The following PLXNA4 variants were observed in gnomAD, a reference collection of about 807,000 sequenced individuals.
PLXNA4 encodes plexin-A4.
In PLXNA4, 44 loss-of-function variants were observed where a neutral mutation model predicts 191.8. The ratio of observed to expected loss-of-function variants is 0.23; its 90% CI spans 0.18 to 0.29. PLXNA4 has a LOEUF of 0.29. PLXNA4 is among the 10% of genes least tolerant of loss of function. PLXNA4 has a pLI of 1.00. For missense variants in PLXNA4, 1,800 were observed against 2,488.8 expected (o/e 0.72, Z 5.89); for synonymous variants, 1,082 against 1,009.5 (o/e 1.07, Z -1.36).
chr7:132,226,338 G>A (rs1798322120), intron 7 of PLXNA4, 78 bp from the exon 8 acceptor site: 3 of 1,258,030 alleles, frequency 2.4e-6, no homozygotes, highest in Non-Finnish European at 3.4e-6. Context: ...GACACCTGCT[G>A]GAAAAGGGAG....
chr7:132,596,578 T>G (rs1802713830), intron 2 of PLXNA4, among the ~76,000 whole-genome samples: 1 of 152,238 alleles, frequency 6.6e-6, no homozygotes, highest in Admixed American at 6.5e-5. Context: ...ATTAATGGCT[T>G]TTATGCTTTA....
At chr7:132,280,859 T>C (rs374376011) in intron 4 of PLXNA4, among the ~76,000 whole-genome samples, 2 of 152,194 alleles carry the variant, frequency 1.3e-5, no homozygotes, top group Admixed American at 6.5e-5. Context: ...GGTCTCTAAC[T>C]GATTTTGACT....
chr7:132,459,239 C>T (rs992478509), intron 3 of PLXNA4, among the ~76,000 whole-genome samples: 5 of 152,126 alleles, frequency 3.3e-5, no homozygotes, highest in Non-Finnish European at 5.9e-5. Flanking sequence ...GAACCAGAAC[C>T]CCTAATTTAA....
chr7:132,602,825 C>A (rs1285206266), intron 2 of PLXNA4, among the ~76,000 whole-genome samples: 1 of 152,156 alleles, frequency 6.6e-6, no homozygotes, highest in Non-Finnish European at 1.5e-5. Context: ...ATTGTCTCAC[C>A]TTTCAATGGA....
chr7:132,148,729 C>A (rs763556578), intron 25 of PLXNA4, 83 bp from the exon 26 acceptor site: 4 of 1,586,882 alleles, frequency 2.5e-6, no homozygotes, highest in East Asian at 2.2e-5. Flanking sequence ...GGTACCTATG[C>A]AGTGCTAGCT....
At chr7:132,454,899 G>A (rs1400061618) in intron 3 of PLXNA4, among the ~76,000 whole-genome samples, 1 of 152,204 alleles carries the variant, frequency 6.6e-6, no homozygotes, top group African/African-American at 2.4e-5. Context: ...TGCTATGGCA[G>A]CCTTAGCAAA....
chr7:132,360,768 C>T (rs966453819), intron 3 of PLXNA4, among the ~76,000 whole-genome samples: 1 of 152,136 alleles, frequency 6.6e-6, no homozygotes, highest in Non-Finnish European at 1.5e-5. Context: ...TGGGTGCTGC[C>T]CTCTGCATTG....
chr7:132,304,223 A>G (rs1178744637), intron 3 of PLXNA4, among the ~76,000 whole-genome samples: 1 of 152,164 alleles, frequency 6.6e-6, no homozygotes, highest in East Asian at 1.9e-4. Flanking sequence ...CTGCAGCATC[A>G]TCTTGAGGAG....
At position 132,124,746 on chromosome 7, in the gene PLXNA4, C is replaced by T. The variant is rs530497104; in HGVS notation, c.*5733G>A. ...AGAGAGCCAAGCATAGACATCAAAG[C>T]GGGTGGGAATGGAATAAAGTGAGGC... is the stretch of plus-strand genomic sequence containing the variant. On this transcript the variant is annotated 3_prime_UTR_variant, in exon 32 of 32. Coordinates refer to ENST00000321063, the MANE Select transcript of PLXNA4 (RefSeq NM_020911.2). 6.6e-6 allele frequency: 1 copy of T among 152,192 alleles called. No individual in the cohort carries two copies. The highest frequency in any genetic ancestry group is 1.5e-5 in the Non-Finnish European group (1 of 68,036). The allele number at this position is 152,192 out of a possible 1,614,324, so 9.4% of individuals were successfully genotyped here.
At chr7:132,485,047 G>A (rs758516572) in intron 3 of PLXNA4, 4 of 1,600,494 alleles carry the variant, frequency 2.5e-6, no homozygotes, top group Admixed American at 1.8e-5. Context: ...TTTAAAACAG[G>A]CTTGAGAAAA....
chr7:132,386,387 C>T (rs1429496730), intron 3 of PLXNA4, among the ~76,000 whole-genome samples: 2 of 152,244 alleles, frequency 1.3e-5, no homozygotes, highest in Non-Finnish European at 2.9e-5. Context: ...TCCAGCTGGT[C>T]TCATTCCTGT....
chr7:132,566,139 T>C (rs888303616), intron 1 of PLXNA4, among the ~76,000 whole-genome samples: 1 of 152,190 alleles, frequency 6.6e-6, no homozygotes, highest in African/African-American at 2.4e-5. Context: ...GCAACTGTTA[T>C]TCACTCTGGA....
rs1794755029 is a variant in PLXNA4, at chr7:132,125,836, A to AC, written c.*4642dup. 1 of 151,904 alleles carries AC rather than the reference A, an allele frequency of 6.6e-6. No individual in the cohort carries two copies. Among genetic ancestry groups the AC allele is most frequent in the Admixed American group, 6.6e-5 (1 of 15,236 alleles). The allele number at this position is 151,904 out of a possible 1,614,324, so 9.4% of individuals were successfully genotyped here. ...CTGGAGGTGACTCAGTCATGGAAAG[A>AC]CCCCTTGAAGGCCTTGAAGAGCTGG... On this transcript the variant is annotated 3_prime_UTR_variant, in exon 32 of 32. Transcript: ENST00000321063.
At chr7:132,395,685 C>T (rs1036167541) in intron 3 of PLXNA4, among the ~76,000 whole-genome samples, 3 of 152,212 alleles carry the variant, frequency 2.0e-5, no homozygotes, top group African/African-American at 4.8e-5. Flanking sequence ...CTCAATTAGC[C>T]TCTTGGAGAG....
intron 2 of PLXNA4, among the ~76,000 whole-genome samples, chr7:132,493,705 G>A (rs1241092986): frequency 1.3e-5 from 2 of 148,590 alleles, no homozygotes; most frequent in Admixed American, 1.4e-4. Flanking sequence ...ATGGATAGGT[G>A]GATGGATGGA....
chr7:132,450,946 C>G (rs955593907), intron 3 of PLXNA4, among the ~76,000 whole-genome samples: 3 of 152,152 alleles, frequency 2.0e-5, no homozygotes, highest in African/African-American at 7.2e-5. Context: ...TGACCCAAGG[C>G]TAAGGAGCCC....
At chr7:132,253,906 T>A (rs541473923) in intron 4 of PLXNA4, among the ~76,000 whole-genome samples, 47 of 152,324 alleles carry the variant, frequency 3.1e-4, no homozygotes, top group Non-Finnish European at 6.2e-4. Flanking sequence ...GCACTATGTG[T>A]GCATCAGTTT....
Position 132,322,184 on chromosome 7 carries a change from C to CTTTTTTTTTTTTTTTTTTTTTTT in PLXNA4, c.1372-23963_1372-23962insAAAAAAAAAAAAAAAAAAAAAAA, listed in dbSNP as rs5887566. On this transcript the variant is annotated intron_variant, in intron 3 of 31. Coordinates refer to ENST00000321063, the MANE Select transcript of PLXNA4 (RefSeq NM_020911.2). ...CTAGAGTTCAATTTCCCTAAAAGGG[C>CTTTTTTTTTTTTTTTTTTTTTTT]TTTTTTTTTTTTTTTTTTAACAGAG... 2.9e-3 allele frequency among the ~76,000 whole-genome samples: 360 copies of CTTTTTTTTTTTTTTTTTTTTTTT among 122,428 alleles called. 16 individuals are homozygous for CTTTTTTTTTTTTTTTTTTTTTTT. The highest frequency in any genetic ancestry group is 0.017 in the Middle Eastern group (4 of 232). 80.3% of individuals were successfully genotyped at this position (122,428 alleles called of 152,430 possible).
intron 3 of PLXNA4, among the ~76,000 whole-genome samples, chr7:132,323,267 G>A (rs1331340286): frequency 1.3e-5 from 2 of 152,232 alleles, no homozygotes; most frequent in East Asian, 3.8e-4. Flanking sequence ...GCCCTGGTGG[G>A]CACAGGAAAC....
Sources: allele counts gnomAD v4.1 joint callset (sites outside exome capture counted in the v4.1 genomes callset), GRCh38; gene constraint gnomAD v4.1.1; transcripts MANE v1.5; gene names NCBI Gene and HGNC (gene_info 2026-07-23, HGNC 2026-07-21).